The following MGAM variants were observed in gnomAD, a reference collection of about 807,000 sequenced individuals.
MGAM encodes the protein maltase-glucoamylase.
MGAM carries 253 observed loss-of-function variants against 358.8 expected under a neutral mutation model. That is an observed-to-expected ratio of 0.71 (90% confidence interval 0.64 to 0.78). The LOEUF is 0.78. Ranked by LOEUF, MGAM falls within the 30% of genes least tolerant of loss-of-function variation. The pLI is 0.00. For missense variants in MGAM, 3,080 were observed against 3,432.6 expected, an observed-to-expected ratio of 0.90 and a Z score of 2.57; for synonymous variants, 1,105 against 1,227.1, an observed-to-expected ratio of 0.90 and a Z score of 2.08.
intron 44 of MGAM, among the ~76,000 whole-genome samples, chr7:142,073,761 T>C (rs1472575961): frequency 6.8e-6 from 1 of 146,070 alleles, no homozygotes; most frequent in African/African-American, 2.4e-5. Flanking sequence ...AGTTATTGCC[T>C]AAGATTTCTT....
chr7:141,999,195 C>A (rs1339048894), intron 1 of MGAM, among the ~76,000 whole-genome samples: 1 of 152,084 alleles, frequency 6.6e-6, no homozygotes, highest in African/African-American at 2.4e-5. Flanking sequence ...AAATAAACTG[C>A]AAGCAGATTT....
chr7:142,092,455 T>G, intron 58 of MGAM, 66 bp from the exon 59 acceptor site: 1 of 1,383,818 alleles, frequency 7.2e-7, no homozygotes, highest in Non-Finnish European at 1.0e-6. Flanking sequence ...ACTGCTTCCT[T>G]GGCTCAGAAT....
At chr7:142,015,796 G>A (rs1805918811) in intron 3 of MGAM, among the ~76,000 whole-genome samples, 1 of 151,918 alleles carries the variant, frequency 6.6e-6, no homozygotes, top group African/African-American at 2.4e-5. Context: ...TTGTTGTACA[G>A]TTTTGGTGGA....
rs753436409 is a variant in MGAM at position 142,084,601 on chromosome 7, T to G, written c.6464T>G (p.Ile2155Ser). 1.3e-6 allele frequency: 2 copies of G among 1,556,468 alleles called. No individual in the cohort carries two copies. Among genetic ancestry groups the G allele is most frequent in the Non-Finnish European group, 1.8e-6 (2 of 1,132,760 alleles). The change falls in exon 54 of 71, where the codon ATC (isoleucine) becomes AGC (serine). Residue 2155 changes from isoleucine (I) to serine (S), a missense_variant. Physicochemically the swap from Ile to Ser is moderately radical, Grantham distance 142. Transcript: ENST00000475668. The stretch of plus-strand genomic sequence containing the variant: ...TATGGCTACCAGAACGACTCTGAGA[T>G]CTCCAGCTTGTATGATGAGATGGTG... The part of the protein sequence containing the change: ...CRYGYQNDSE[I>S]SSLYDEMVAA...
intron 1 of MGAM, among the ~76,000 whole-genome samples, chr7:141,999,401 A>G (rs1804550146): frequency 6.6e-6 from 1 of 152,212 alleles, no homozygotes; most frequent in South Asian, 2.1e-4. Flanking sequence ...AGCATAGAAT[A>G]CAGAGTGATG....
Position 142,044,302 on chromosome 7 carries a change from A to G in MGAM, c.2498+3456A>G, listed in dbSNP as rs1254750234. 2.9e-5 allele frequency among the ~76,000 whole-genome samples: 4 copies of G among 138,540 alleles called. 2 individuals are homozygous for G. Among genetic ancestry groups the G allele is most frequent in the African/African-American group, 5.1e-5 (2 of 39,148 alleles). 90.9% of individuals were successfully genotyped at this position (138,540 alleles called of 152,430 possible). A position where few individuals can be genotyped will look rare whatever the true frequency, so the allele number is the denominator to read the frequency against. On this transcript the variant is annotated intron_variant, in intron 21 of 70. Transcript: ENST00000475668. ...ACACATACGACATATAATATATACT[A>G]TATATAATATACACATACGATATAT...
intron 21 of MGAM, among the ~76,000 whole-genome samples, chr7:142,045,239 C>CT (rs1809997507): frequency 7.9e-5 from 1 of 12,666 alleles, no homozygotes; most frequent in African/African-American, 2.1e-4. Flanking sequence ...TATTATATAT[C>CT]ATATAATATA....
intron 21 of MGAM, among the ~76,000 whole-genome samples, chr7:142,041,649 T>C (rs1330334410): frequency 6.6e-6 from 1 of 151,284 alleles, no homozygotes; most frequent in South Asian, 2.1e-4. Context: ...CACACCTTCA[T>C]GTACATACAG....
chr7:142,032,505 A>G (rs1370616255), intron 13 of MGAM, among the ~76,000 whole-genome samples: 1 of 152,140 alleles, frequency 6.6e-6, no homozygotes, highest in African/African-American at 2.4e-5. Context: ...ATATGTATTT[A>G]CAGTTATATT....
At position 142,067,734 on chromosome 7, in the gene MGAM, G is replaced by A. The variant is rs139419173; in HGVS notation, c.5004+309G>A. ...ATTAATAGAAGGTCAGATGGGGGCA[G>A]TATTGTAAAAAATTTATAACAGTCC... On this transcript the variant is annotated intron_variant, in intron 42 of 70. Coordinates refer to ENST00000475668, the MANE Select transcript of MGAM (RefSeq NM_001365693.1). Among the ~76,000 whole-genome samples, 200 of 138,526 alleles carry A rather than the reference G, an allele frequency of 1.4e-3. 4 individuals carry two copies. The highest frequency in any genetic ancestry group is 4.9e-3 in the African/African-American group (198 of 40,408). 90.9% of individuals were successfully genotyped at this position (138,526 alleles called of 152,430 possible). A position where few individuals can be genotyped will look rare whatever the true frequency, so the allele number is the denominator to read the frequency against.
intron 67 of MGAM, among the ~76,000 whole-genome samples, chr7:142,100,208 T>A (rs1231764073): frequency 6.6e-6 from 1 of 152,214 alleles, no homozygotes; most frequent in African/African-American, 2.4e-5. Flanking sequence ...GGCATTTCCA[T>A]GTGGAAATTA....
At chr7:141,990,747 T>C (rs1394295400) in intron 2 of MGAM, among the ~76,000 whole-genome samples, 2 of 152,204 alleles carry the variant, frequency 1.3e-5, no homozygotes, top group South Asian at 2.1e-4. Flanking sequence ...TAGTTACATA[T>C]GTATACATGT....
In MGAM at chr7:142,082,402, A is replaced by G. The variant is rs1174930721; in HGVS notation, c.6172-73A>G. 5.3e-6 allele frequency: 7 copies of G among 1,314,338 alleles called. 1 individual carries two copies. The African/African-American group carries it at 9.9e-5, about 18-fold the overall frequency. The allele number at this position is 1,314,338 out of a possible 1,614,324, so 81.4% of individuals were successfully genotyped here. ...GAAAACTAGACCCATCTTAGCAAGC[A>G]TATTTTTGTTGAGTTTCTTTCTCAG... On this transcript the variant is annotated intron_variant, in intron 51 of 70. Transcript: ENST00000475668.
Position 142,066,015 on chromosome 7 carries a change from G to A in MGAM, c.4770+184G>A, listed in dbSNP as rs568424929. Among the ~76,000 whole-genome samples, 54 of 138,026 alleles carry A rather than the reference G, an allele frequency of 3.9e-4. 11 individuals are homozygous for A. Among genetic ancestry groups the A allele is most frequent in the Non-Finnish European group, 5.5e-4 (34 of 61,906 alleles). 90.6% of individuals were successfully genotyped at this position (138,026 alleles called of 152,430 possible). A position where few individuals can be genotyped will look rare whatever the true frequency, so the allele number is the denominator to read the frequency against. ...TTTACTCTGTTGGCCAGGCTGAATCGTGCAGTGTCCCAATCATGGCTGACT... is the reference window on the plus strand; with the variant it reads ...TTTACTCTGTTGGCCAGGCTGAATCATGCAGTGTCCCAATCATGGCTGACT... On this transcript the variant is annotated intron_variant, in intron 40 of 70. Coordinates refer to ENST00000475668, the MANE Select transcript of MGAM (RefSeq NM_001365693.1).
chr7:142,022,024 T>C (rs782259274), intron 6 of MGAM, among the ~76,000 whole-genome samples: 1 of 152,136 alleles, frequency 6.6e-6, no homozygotes, highest in Admixed American at 6.5e-5. Flanking sequence ...ATCGTAAGTA[T>C]AGTGTTCTGG....
chr7:141,998,697 A>G (rs1451353647), intron 1 of MGAM, among the ~76,000 whole-genome samples: 1 of 152,162 alleles, frequency 6.6e-6, no homozygotes, highest in Non-Finnish European at 1.5e-5. Flanking sequence ...TGCTATTGTA[A>G]ATAGTGCTGC....
At chr7:142,057,364 G>T (rs570692744) in intron 30 of MGAM, among the ~76,000 whole-genome samples, 1 of 151,628 alleles carries the variant, frequency 6.6e-6, no homozygotes, top group South Asian at 2.1e-4. Flanking sequence ...TAGTGGTGGT[G>T]ATGGTGACAA....
chr7:142,017,177 C>T (rs1806038115), intron 3 of MGAM, among the ~76,000 whole-genome samples: 1 of 152,074 alleles, frequency 6.6e-6, no homozygotes, highest in Non-Finnish European at 1.5e-5. Flanking sequence ...TCCACACTCC[C>T]CACAACTCTA....
rs147318638 is a variant in MGAM, at chr7:142,070,782, G to A, written c.5062-212G>A. 1.4e-4 allele frequency among the ~76,000 whole-genome samples: 20 copies of A among 146,468 alleles called. 2 individuals are homozygous for A. In the East Asian group the frequency reaches 4.0e-3, roughly 29 times the overall value. On this transcript the variant is annotated intron_variant, in intron 43 of 70. Coordinates refer to ENST00000475668, the MANE Select transcript of MGAM (RefSeq NM_001365693.1). The stretch of plus-strand genomic sequence containing the variant: ...GGCAAATGTAGTTTGTATGGTGGAA[G>A]CAAAGGTAAGAGACCCTAACAAGAT...
Sources: gnomAD v4.1 joint callset for allele counts (sites outside exome capture counted in the v4.1 genomes callset) on GRCh38, gnomAD v4.1.1 for gene constraint, MANE v1.5 for transcripts, NCBI Gene and HGNC (gene_info 2026-07-23, HGNC 2026-07-21) for gene names.